The following GALNT13 variants were observed in gnomAD, a reference collection of about 807,000 sequenced individuals.
GALNT13 encodes the protein polypeptide N-acetylgalactosaminyltransferase 13, also known as UDP-GalNAc:polypeptide N-acetylgalactosaminyltransferase 13.
A neutral mutation model predicts 64.2 loss-of-function variants in GALNT13; 28 were observed. The observed-to-expected ratio is 0.44, with a 90% CI of 0.32 to 0.60. The LOEUF (loss-of-function observed/expected upper bound fraction) is 0.60, where lower values mean the gene tolerates loss of function less well. GALNT13 is among the 20% of genes least tolerant of loss of function. GALNT13 has a pLI of 0.05. For synonymous variants in GALNT13, 214 were observed against 224.6 expected (o/e 0.95, Z 0.42); for missense variants, 577 against 669.8 (o/e 0.86, Z 1.53).
chr2:153,077,299 T>C, the GALNT13 span, among the ~76,000 whole-genome samples: 1 of 152,128 alleles, frequency 6.6e-6, no homozygotes, highest in Admixed American at 6.5e-5. Flanking sequence ...AAAAATGGTA[T>C]TTTTATTGGA....
chr2:154,270,972 G>A (rs917725613), intron 8 of GALNT13, among the ~76,000 whole-genome samples: 9 of 152,004 alleles, frequency 5.9e-5, no homozygotes, highest in East Asian at 1.9e-4. Context: ...AAGCTTAAAT[G>A]TTGGTCAATT....
chr2:154,115,381 C>G (rs1703236790), intron 3 of GALNT13, among the ~76,000 whole-genome samples: 1 of 151,938 alleles, frequency 6.6e-6, no homozygotes, highest in South Asian at 2.1e-4. Flanking sequence ...TATACATGTG[C>G]CATGATGGTG....
the GALNT13 span, among the ~76,000 whole-genome samples, chr2:153,351,407 A>G: frequency 6.6e-6 from 1 of 152,170 alleles, no homozygotes; most frequent in African/African-American, 2.4e-5. Flanking sequence ...CCTCTCCCAG[A>G]TAAACGTTCC....
chr2:153,241,092 G>T, the GALNT13 span, among the ~76,000 whole-genome samples: 1 of 152,142 alleles, frequency 6.6e-6, no homozygotes, highest in African/African-American at 2.4e-5. Flanking sequence ...TCTTGTCTTT[G>T]TGTGTGTTTG....
At chr2:153,261,055 T>C in the GALNT13 span, among the ~76,000 whole-genome samples, 1 of 152,158 alleles carries the variant, frequency 6.6e-6, no homozygotes, top group African/African-American at 2.4e-5. Context: ...TTCTTTTTCA[T>C]TATTTTTATT....
At chr2:153,098,676 A>G in the GALNT13 span, among the ~76,000 whole-genome samples, 1 of 152,150 alleles carries the variant, frequency 6.6e-6, no homozygotes, top group Non-Finnish European at 1.5e-5. Flanking sequence ...ATATGCAACA[A>G]TTTATCTATT....
At chr2:153,235,121 G>T in the GALNT13 span, among the ~76,000 whole-genome samples, 2 of 152,062 alleles carry the variant, frequency 1.3e-5, no homozygotes, top group African/African-American at 4.8e-5. Context: ...TGTTTAGACT[G>T]ATCCACCAAC....
the GALNT13 span, among the ~76,000 whole-genome samples, chr2:153,643,320 A>G: frequency 6.6e-6 from 1 of 151,608 alleles, no homozygotes; most frequent in Non-Finnish European, 1.5e-5. Context: ...AAACATGGCT[A>G]TAACTGCATA....
At chr2:153,292,168 G>C in the GALNT13 span, among the ~76,000 whole-genome samples, 13 of 152,004 alleles carry the variant, frequency 8.6e-5, no homozygotes, top group Non-Finnish European at 1.6e-4. Flanking sequence ...AGCACATCAC[G>C]GTGGGCCAAA....
At chr2:153,482,955 A>G in the GALNT13 span, among the ~76,000 whole-genome samples, 1 of 152,218 alleles carries the variant, frequency 6.6e-6, no homozygotes, top group African/African-American at 2.4e-5. Flanking sequence ...ATCAATATGC[A>G]TAAGTCATTA....
At chr2:153,569,651 C>A in the GALNT13 span, among the ~76,000 whole-genome samples, 1 of 151,910 alleles carries the variant, frequency 6.6e-6, no homozygotes, top group Non-Finnish European at 1.5e-5. Flanking sequence ...AATAGGACAT[C>A]CGTCCCTTCA....
At chr2:153,490,959 CAA>C in the GALNT13 span, among the ~76,000 whole-genome samples, 93 of 96,000 alleles carry the variant, frequency 9.7e-4, no homozygotes, top group Admixed American at 6.3e-4. Flanking sequence ...GACTCTGTCT[CAA>C]AAAAAAAAAA....
At chr2:153,756,291 A>G in the GALNT13 span, among the ~76,000 whole-genome samples, 1 of 152,130 alleles carries the variant, frequency 6.6e-6, no homozygotes, top group South Asian at 2.1e-4. Context: ...TTAGATTAAA[A>G]AGAGAAAAAT....
the GALNT13 span, among the ~76,000 whole-genome samples, chr2:153,599,537 A>G: frequency 1.3e-5 from 2 of 151,818 alleles, no homozygotes; most frequent in African/African-American, 4.8e-5. Context: ...TTGGCCCAAG[A>G]GGGTATATTT....
chr2:153,178,735 T>C, the GALNT13 span, among the ~76,000 whole-genome samples: 110 of 93,176 alleles, frequency 1.2e-3, 1 homozygote, highest in Admixed American at 3.1e-3. Context: ...TCTTCTTCTT[T>C]TTTTTTTTTT....
intron 9 of GALNT13, among the ~76,000 whole-genome samples, chr2:154,355,186 C>T (rs16836643): frequency 0.077 from 11,702 of 152,104 alleles, 630 homozygotes; most frequent in East Asian, 0.25. Context: ...GTTGTATAGC[C>T]TGTAGATATT....
the GALNT13 span, among the ~76,000 whole-genome samples, chr2:153,626,860 C>T: frequency 6.4e-4 from 98 of 152,118 alleles, no homozygotes; most frequent in African/African-American, 2.2e-3. Flanking sequence ...TTTTGCTGAG[C>T]GCTGGTTTGA....
the GALNT13 span, among the ~76,000 whole-genome samples, chr2:153,140,290 T>A: frequency 2.3e-4 from 35 of 152,138 alleles, no homozygotes; most frequent in South Asian, 4.2e-4. Context: ...ATAAGTTAAC[T>A]GGCCTGGAAG....
chr2:153,960,051 T>G (rs1042915276), intron 3 of GALNT13, among the ~76,000 whole-genome samples: 2 of 152,212 alleles, frequency 1.3e-5, no homozygotes, highest in Non-Finnish European at 2.9e-5. Context: ...CTATGGCTGC[T>G]TGTTCATCTG....
Sources: allele counts gnomAD v4.1 joint callset (sites outside exome capture counted in the v4.1 genomes callset), GRCh38; gene constraint gnomAD v4.1.1; transcripts MANE v1.5; gene names NCBI Gene and HGNC (gene_info 2026-07-23, HGNC 2026-07-21).